The following USP32 variants were observed in gnomAD, a reference collection of about 807,000 sequenced individuals.
USP32 encodes ubiquitin carboxyl-terminal hydrolase 32.
USP32 carries 59 observed loss-of-function variants against 204.8 expected under a neutral mutation model. That is an observed-to-expected ratio of 0.29 (90% CI 0.23 to 0.36). The LOEUF (loss-of-function observed/expected upper bound fraction) is 0.36, where lower values mean the gene tolerates loss of function less well. Among genes scored for constraint, USP32 ranks in the 10% least tolerant of loss-of-function variants. The pLI is 1.00. For missense variants in USP32, 1,160 were observed against 1,946.4 expected (o/e 0.60, Z 7.60); for synonymous variants, 517 against 678.4 (o/e 0.76, Z 3.70).
At chr17:60,305,068 T>G (rs1051779454) in intron 2 of USP32, 2 of 152,250 alleles carry the variant, frequency 1.3e-5, no homozygotes, top group African/African-American at 4.8e-5. Flanking sequence ...CTTCTGAAAC[T>G]GAATTTTTAA....
intron 1 of USP32, among the ~76,000 whole-genome samples, chr17:60,409,770 T>C (rs1410781051): frequency 6.6e-6 from 1 of 152,168 alleles, no homozygotes; most frequent in African/African-American, 2.4e-5. Context: ...CTGGGTCACA[T>C]TGGAAGAGGA....
chr17:60,387,966 G>T (rs1388803996), intron 1 of USP32, among the ~76,000 whole-genome samples: 1 of 152,052 alleles, frequency 6.6e-6, no homozygotes, highest in Non-Finnish European at 1.5e-5. Flanking sequence ...AAGTTAAATT[G>T]TAAGTCGGGG....
intron 1 of USP32, among the ~76,000 whole-genome samples, chr17:60,357,103 T>C (rs1026287819): frequency 2.0e-5 from 3 of 151,676 alleles, no homozygotes; most frequent in East Asian, 1.9e-4. Flanking sequence ...AACAAAACAA[T>C]TGCAAAATTT....
At chr17:60,333,247 A>G (rs570610584) in intron 2 of USP32, among the ~76,000 whole-genome samples, 30 of 152,352 alleles carry the variant, frequency 2.0e-4, no homozygotes, top group Non-Finnish European at 3.4e-4. Flanking sequence ...AACACATATT[A>G]TATGCCTTCC....
chr17:60,294,807 A>G lies in USP32; in HGVS notation c.293-6T>C. ...TGAAAAAAGACTAAAAATGTCTAAG[A>G]AAAAGAAAGATAGAATAAATTAATC... On this transcript the variant is annotated splice_region_variant and splice_polypyrimidine_tract_variant and intron_variant, in intron 3 of 33. Coordinates refer to ENST00000300896, the MANE Select transcript of USP32 (RefSeq NM_032582.4). The G allele has an allele frequency of 1.9e-6, 3 of 1,564,076 alleles. No homozygotes were observed. Among genetic ancestry groups the G allele is most frequent in the Middle Eastern group, 1.9e-4 (1 of 5,280 alleles).
upstream of USP32, chr17:60,392,603 T>C (rs777041358): frequency 2.7e-5 from 12 of 450,622 alleles, 1 homozygote; most frequent in South Asian, 1.9e-4. Context: ...GGAATGGGGT[T>C]CTGAGGGATG....
intron 9 of USP32, among the ~76,000 whole-genome samples, chr17:60,261,877 G>A (rs2086461866): frequency 1.3e-5 from 2 of 152,142 alleles, no homozygotes; most frequent in South Asian, 4.1e-4. Context: ...TCAAAGATAT[G>A]TTAATACTGT....
chr17:60,413,648 G>A (rs892691318), intron 1 of USP32, among the ~76,000 whole-genome samples: 2 of 150,722 alleles, frequency 1.3e-5, no homozygotes, highest in Admixed American at 6.6e-5. Context: ...AGCAGATCAC[G>A]AGGTCAGGAT....
chr17:60,237,270 A>G (rs1034097507), intron 11 of USP32, among the ~76,000 whole-genome samples: 11 of 149,462 alleles, frequency 7.4e-5, no homozygotes, highest in African/African-American at 2.7e-4. Context: ...CCTCACAAGT[A>G]TCTGGGACTA....
At chr17:60,270,562 G>A (rs1598173470) in intron 6 of USP32, among the ~76,000 whole-genome samples, 1 of 152,172 alleles carries the variant, frequency 6.6e-6, no homozygotes, top group African/African-American at 2.4e-5. Context: ...AGTGGCTCAC[G>A]CCTGTAATCC....
chr17:60,275,103 C>T (rs1017721586), intron 5 of USP32, among the ~76,000 whole-genome samples: 1 of 152,156 alleles, frequency 6.6e-6, no homozygotes, highest in African/African-American at 2.4e-5. Context: ...CTGTTACAGT[C>T]TAACACCAGA....
At chr17:60,349,379 A>C (rs1007624792) in intron 1 of USP32, among the ~76,000 whole-genome samples, 1 of 149,460 alleles carries the variant, frequency 6.7e-6, no homozygotes, top group Admixed American at 6.7e-5. Flanking sequence ...CAGGAGTTCG[A>C]GACCAGCCTG....
At chr17:60,223,313 G>A (rs1175195152) in intron 14 of USP32, 98 bp downstream of exon 14, 4 of 956,372 alleles carry the variant, frequency 4.2e-6, no homozygotes, top group Non-Finnish European at 6.4e-6. Flanking sequence ...GTAATTAAAT[G>A]AACCATCAAT....
intron 5 of USP32, among the ~76,000 whole-genome samples, chr17:60,276,446 C>A (rs2086841428): frequency 6.6e-6 from 1 of 151,878 alleles, no homozygotes; most frequent in Admixed American, 6.6e-5. Flanking sequence ...GAAAAAGAAG[C>A]CTCTTTCATT....
rs185972926 is a variant in USP32 at position 60,196,354 on chromosome 17, A to T, written c.3434+1906T>A. The stretch of plus-strand genomic sequence containing the variant: ...CCAATTCATTAGCAAGTCCTGGGAA[A>T]AGCCCTCGTCTAGAAGCTCTTTAAT... On this transcript the variant is annotated intron_variant, in intron 27 of 33. Coordinates refer to ENST00000300896, the MANE Select transcript of USP32 (RefSeq NM_032582.4). Among the ~76,000 whole-genome samples, 190 of 152,190 alleles carry T rather than the reference A, an allele frequency of 1.2e-3. 1 individual carries two copies. Among genetic ancestry groups the T allele is most frequent in the African/African-American group, 4.2e-3 (175 of 41,492 alleles).
intron 23 of USP32, 23 bp from the exon 24 acceptor site, chr17:60,208,233 T>C (rs767174346): frequency 7.7e-6 from 12 of 1,568,466 alleles, no homozygotes; most frequent in Non-Finnish European, 9.5e-6. Context: ...AAAGATCTTT[T>C]ATTGGTAAAA....
chr17:60,341,908 A>G (rs1316434665), intron 2 of USP32, among the ~76,000 whole-genome samples: 6 of 152,022 alleles, frequency 3.9e-5, no homozygotes, highest in Non-Finnish European at 4.4e-5. Flanking sequence ...ACTTCTGTCA[A>G]CTCGTCAAGT....
chr17:60,279,447 T>C (rs2086913185), intron 5 of USP32, among the ~76,000 whole-genome samples: 2 of 150,104 alleles, frequency 1.3e-5, no homozygotes, highest in Non-Finnish European at 3.0e-5. Flanking sequence ...ATTGTACCAC[T>C]GCACTCCTGC....
chr17:60,321,832 A>T (rs569332458), intron 2 of USP32, among the ~76,000 whole-genome samples: 2 of 151,970 alleles, frequency 1.3e-5, no homozygotes, highest in East Asian at 3.9e-4. Flanking sequence ...AACTCTATTA[A>T]TCATTAACAC....
Sources: allele counts gnomAD v4.1 joint callset (sites outside exome capture counted in the v4.1 genomes callset), GRCh38; gene constraint gnomAD v4.1.1; transcripts MANE v1.5; gene names NCBI Gene and HGNC (gene_info 2026-07-23, HGNC 2026-07-21).